WDR43: variants seen among roughly 807,000 people sequenced by gnomAD.
WDR43 encodes the protein WD repeat domain 43.
Under a neutral mutation model 91.4 loss-of-function variants are expected in WDR43, and 13 were observed. That is an observed-to-expected ratio of 0.14 (90% CI 0.09 to 0.23). The LOEUF is 0.23. WDR43 is among the 10% of genes least tolerant of loss of function. WDR43 has a pLI of 1.00. For missense variants in WDR43, 780 were observed against 809.4 expected (o/e 0.96, Z 0.44); for synonymous variants, 331 against 287.9 (o/e 1.15, Z -1.51).
chr2:28,910,285 G>A (rs1453309898), intron 3 of WDR43, among the ~76,000 whole-genome samples: 2 of 152,188 alleles, frequency 1.3e-5, no homozygotes, highest in East Asian at 1.9e-4. Flanking sequence ...GTCTAGGCAG[G>A]ATGGCGATTG....
intron 3 of WDR43, among the ~76,000 whole-genome samples, chr2:28,909,385 G>A (rs1670747054): frequency 6.6e-6 from 1 of 152,050 alleles, no homozygotes; most frequent in Admixed American, 6.5e-5. Flanking sequence ...CACCCGCCTC[G>A]GCCTCCCAAA....
chr2:28,931,875 T>C (rs1229628009), intron 11 of WDR43, among the ~76,000 whole-genome samples: 11 of 40,724 alleles, frequency 2.7e-4, no homozygotes, highest in Admixed American at 3.6e-4. Context: ...CCCCCCGCCC[T>C]TTTTTTTTTT....
At chr2:28,942,487 C>T in intron 16 of WDR43, 106 bp downstream of exon 16, 2 of 1,227,862 alleles carry the variant, frequency 1.6e-6, no homozygotes, top group East Asian at 2.6e-5. Context: ...CTTCCTTTGG[C>T]AAGCCTTCTC....
chr2:28,908,761 C>T (rs536116552), intron 3 of WDR43, among the ~76,000 whole-genome samples: 31 of 152,284 alleles, frequency 2.0e-4, no homozygotes, highest in African/African-American at 7.0e-4. Context: ...CTGTTCCAGA[C>T]GCTATGTATT....
chr2:28,931,087 T>TTG (rs1257216282), intron 11 of WDR43, among the ~76,000 whole-genome samples: 1 of 151,614 alleles, frequency 6.6e-6, no homozygotes, highest in Non-Finnish European at 1.5e-5. Context: ...CTTTTTTTTT[T>TTG]TTTTTGGAGA....
chr2:28,917,814 A>T (rs1031310993), intron 5 of WDR43, 79 bp from the exon 6 acceptor site: 1 of 1,243,250 alleles, frequency 8.0e-7, no homozygotes, highest in Non-Finnish European at 1.1e-6. Context: ...GCTGATCTCC[A>T]TGCCTCCTTA....
intron 1 of WDR43, chr2:28,895,175 C>T: frequency 2.9e-6 from 1 of 343,568 alleles, no homozygotes; most frequent in East Asian, 4.6e-5. Flanking sequence ...CCCAATGAGG[C>T]CTGGGCCCCA....
intron 16 of WDR43, among the ~76,000 whole-genome samples, chr2:28,943,747 A>T (rs930700593): frequency 9.2e-5 from 14 of 152,210 alleles, no homozygotes; most frequent in Non-Finnish European, 1.9e-4. Context: ...CTGATAATTT[A>T]TATGGAACAA....
chr2:28,895,102 G>A, intron 1 of WDR43, 179 bp downstream of exon 1: 1 of 511,992 alleles, frequency 2.0e-6, no homozygotes, highest in Non-Finnish European at 3.0e-6. Context: ...GGCCTGCCGC[G>A]AGGGCAGTGA....
At chr2:28,931,655 C>CT (rs34087215) in intron 11 of WDR43, among the ~76,000 whole-genome samples, 38,222 of 143,166 alleles carry the variant, frequency 0.27, 5,943 homozygotes, top group East Asian at 0.77. Context: ...GGTTTAAAAT[C>CT]TTTTTTTTTT....
intron 5 of WDR43, among the ~76,000 whole-genome samples, chr2:28,914,706 G>A (rs1382574095): frequency 1.1e-4 from 17 of 152,144 alleles, no homozygotes; most frequent in South Asian, 2.1e-4. Flanking sequence ...CGAGGCGGGC[G>A]GATCACGAGG....
At chr2:28,932,442 C>T (rs752429839) in intron 11 of WDR43, among the ~76,000 whole-genome samples, 3 of 152,134 alleles carry the variant, frequency 2.0e-5, no homozygotes, top group East Asian at 1.9e-4. Flanking sequence ...GGATTACAGG[C>T]GTGAGCCACC....
chr2:28,939,144 CTT>C (rs1671390795), intron 14 of WDR43, among the ~76,000 whole-genome samples: 1 of 144,942 alleles, frequency 6.9e-6, no homozygotes, highest in Admixed American at 6.9e-5. Context: ...TGGGAGGTGA[CTT>C]GGGAGCACTG....
At chr2:28,943,338 G>T (rs1351859520) in intron 16 of WDR43, among the ~76,000 whole-genome samples, 1 of 152,070 alleles carries the variant, frequency 6.6e-6, no homozygotes, top group Non-Finnish European at 1.5e-5. Flanking sequence ...TCTCTTTGTT[G>T]CCCAAGCTGA....
chr2:28,941,688 T>A, intron 15 of WDR43, 114 bp downstream of exon 15: 1 of 774,028 alleles, frequency 1.3e-6, no homozygotes, highest in Non-Finnish European at 2.1e-6. Context: ...TGCACTGCGG[T>A]AGCATGATCA....
intron 7 of WDR43, among the ~76,000 whole-genome samples, chr2:28,923,509 A>G (rs1671076132): frequency 6.6e-6 from 1 of 152,196 alleles, no homozygotes; most frequent in African/African-American, 2.4e-5. Flanking sequence ...TACTGTAAAC[A>G]TGGTCTGAGA....
chr2:28,936,901 T>C, intron 12 of WDR43, 21 bp from the exon 13 acceptor site: 1 of 1,565,124 alleles, frequency 6.4e-7, no homozygotes, highest in South Asian at 1.2e-5. Flanking sequence ...CTGTTGTTAA[T>C]AGTGTTTTTC....
At position 28,929,219 on chromosome 2, in the gene WDR43, T is replaced by C. The variant is rs370114167; in HGVS notation, c.1306-360T>C. Among the ~76,000 whole-genome samples, 7 of 152,312 alleles carry C rather than the reference T, an allele frequency of 4.6e-5. No individual in the cohort carries two copies. In the East Asian group the frequency reaches 1.4e-3, roughly 29 times the overall value. On this transcript the variant is annotated intron_variant, in intron 10 of 17. Transcript: ENST00000407426. ...ATCTGAGAGTGACACCAAGGGATAG[T>C]TATAGTGGGGCAAGCTTCTGTGAGA...
chr2:28,939,686 G>A (rs915711259), intron 14 of WDR43, among the ~76,000 whole-genome samples: 3 of 152,192 alleles, frequency 2.0e-5, no homozygotes, highest in Non-Finnish European at 2.9e-5. Context: ...TGATAAATTG[G>A]AATGCAATGA....
Sources: gnomAD v4.1 joint callset for allele counts (sites outside exome capture counted in the v4.1 genomes callset) on GRCh38, gnomAD v4.1.1 for gene constraint, MANE v1.5 for transcripts, NCBI Gene and HGNC (gene_info 2026-07-23, HGNC 2026-07-21) for gene names.